RIMS2: variants seen among roughly 807,000 people sequenced by gnomAD.
The protein encoded by RIMS2 is regulating synaptic membrane exocytosis 2, also known as regulating synaptic membrane exocytosis protein 2.
RIMS2 carries 59 observed loss-of-function variants against 174.4 expected under a neutral mutation model. That is an observed-to-expected ratio of 0.34 (90% CI 0.27 to 0.42). The LOEUF is 0.42. Ranked by LOEUF, RIMS2 falls within the 10% of genes least tolerant of loss-of-function variation. RIMS2 has a pLI of 1.00. For synonymous variants in RIMS2, 606 were observed against 572.5 expected (o/e 1.06, Z -0.84); for missense variants, 1,620 against 1,666.3 (o/e 0.97, Z 0.48).
rs533747504 is a variant in RIMS2 at position 103,519,417 on chromosome 8, C to T, written c.176+18355C>T. Among the ~76,000 whole-genome samples, 545 of 152,208 alleles carry T rather than the reference C, an allele frequency of 3.6e-3. 2 individuals are homozygous for T. Among genetic ancestry groups the T allele is most frequent in the Non-Finnish European group, 5.8e-3 (392 of 67,976 alleles). ...TTATATAATCATGCCATAGCTCAAA[C>T]TGTCTCACAATTTACCATATGTTTC... On this transcript the variant is annotated intron_variant, in intron 1 of 23. Coordinates refer to ENST00000504942, the Ensembl canonical transcript of RIMS2.
At chr8:103,900,785 C>T (rs2099323986) in intron 4 of RIMS2, among the ~76,000 whole-genome samples, 1 of 152,096 alleles carries the variant, frequency 6.6e-6, no homozygotes, top group African/African-American at 2.4e-5. Context: ...GTTCTTCCTC[C>T]TGGCAACTCA....
At chr8:104,069,090 T>G (rs2097153304) in intron 19 of RIMS2, among the ~76,000 whole-genome samples, 1 of 152,200 alleles carries the variant, frequency 6.6e-6, no homozygotes, top group African/African-American at 2.4e-5. Context: ...ATATATCAAG[T>G]ACTAATACAA....
At chr8:103,672,626 G>A (rs1262971657) in intron 1 of RIMS2, among the ~76,000 whole-genome samples, 3 of 151,954 alleles carry the variant, frequency 2.0e-5, no homozygotes, top group Admixed American at 2.0e-4. Flanking sequence ...TCACTATAGT[G>A]AAGATAGCAC....
At chr8:103,793,102 T>C (rs560914727) in intron 3 of RIMS2, among the ~76,000 whole-genome samples, 1 of 152,278 alleles carries the variant, frequency 6.6e-6, no homozygotes, top group East Asian at 1.9e-4. Context: ...ATCATTCTGA[T>C]ACCAAAGCCA....
intron 19 of RIMS2, among the ~76,000 whole-genome samples, chr8:104,123,549 T>A (rs2098402906): frequency 6.6e-6 from 1 of 152,012 alleles, no homozygotes; most frequent in South Asian, 2.1e-4. Flanking sequence ...AGACTTTTTT[T>A]AGAAATAGCA....
At chr8:104,030,097 A>G (rs2096356576) in intron 19 of RIMS2, among the ~76,000 whole-genome samples, 1 of 152,120 alleles carries the variant, frequency 6.6e-6, no homozygotes, top group Non-Finnish European at 1.5e-5. Flanking sequence ...ACTTAGCTTG[A>G]TATTATAAAA....
intron 2 of RIMS2, among the ~76,000 whole-genome samples, chr8:103,744,117 C>G (rs1435693743): frequency 6.6e-6 from 1 of 152,202 alleles, no homozygotes; most frequent in Non-Finnish European, 1.5e-5. Context: ...AGGATCTCAG[C>G]TAACTGCAAC....
At chr8:103,554,254 A>G in intron 1 of RIMS2, among the ~76,000 whole-genome samples, 1 of 152,180 alleles carries the variant, frequency 6.6e-6, no homozygotes, top group South Asian at 2.1e-4. Flanking sequence ...TAAATAGACA[A>G]CCTACAGAAT....
At chr8:104,171,119 G>T (rs2135432401) in intron 19 of RIMS2, among the ~76,000 whole-genome samples, 1 of 152,160 alleles carries the variant, frequency 6.6e-6, no homozygotes, top group South Asian at 2.1e-4. Context: ...ATGTGCCTTG[G>T]TGGTGATCTT....
chr8:103,680,327 A>G (rs1301774369), intron 1 of RIMS2, among the ~76,000 whole-genome samples: 4 of 152,064 alleles, frequency 2.6e-5, no homozygotes, highest in Non-Finnish European at 2.9e-5. Context: ...GGATCTCTAT[A>G]TGGAGAAGAT....
At chr8:103,941,653 T>TA (rs773091275) in intron 13 of RIMS2, among the ~76,000 whole-genome samples, 12 of 152,152 alleles carry the variant, frequency 7.9e-5, no homozygotes, top group Non-Finnish European at 1.5e-4. Flanking sequence ...TCTACAGACT[T>TA]ACATTTTGGG....
chr8:103,902,985 T>C (rs1238867393), intron 4 of RIMS2, among the ~76,000 whole-genome samples: 1 of 152,018 alleles, frequency 6.6e-6, no homozygotes, highest in Non-Finnish European at 1.5e-5. Context: ...CTTGACAAGT[T>C]GAAAAGGAGG....
intron 3 of RIMS2, among the ~76,000 whole-genome samples, chr8:103,846,260 A>G (rs368727894): frequency 1.1e-4 from 17 of 152,146 alleles, no homozygotes; most frequent in African/African-American, 3.9e-4. Context: ...AGAAAGAAAA[A>G]GAGGAGTATT....
At chr8:103,992,274 A>AT (rs1186537194) in intron 17 of RIMS2, among the ~76,000 whole-genome samples, 3,822 of 106,950 alleles carry the variant, frequency 0.036, 103 homozygotes, top group African/African-American at 0.07. Flanking sequence ...ATGTCCAGCT[A>AT]TTTTTTTTTT....
At chr8:103,552,200 T>A (rs1308945145) in intron 1 of RIMS2, among the ~76,000 whole-genome samples, 24 of 152,162 alleles carry the variant, frequency 1.6e-4, no homozygotes, top group Non-Finnish European at 2.1e-4. Flanking sequence ...GACTTCAAAC[T>A]ATACTATAAG....
chr8:103,551,913 CA>C (rs1432823514), intron 1 of RIMS2, among the ~76,000 whole-genome samples: 1 of 152,102 alleles, frequency 6.6e-6, no homozygotes, highest in Admixed American at 6.6e-5. Flanking sequence ...AGGACCTCTT[CA>C]AAGAGAACTA....
intron 14 of RIMS2, among the ~76,000 whole-genome samples, chr8:103,958,279 T>C (rs950700422): frequency 2.0e-5 from 3 of 152,124 alleles, no homozygotes; most frequent in African/African-American, 4.8e-5. Flanking sequence ...GTAAGGCCAT[T>C]ATACTTAGCA....
chr8:104,048,100 G>A (rs2154558451), intron 19 of RIMS2, among the ~76,000 whole-genome samples: 1 of 152,252 alleles, frequency 6.6e-6, no homozygotes, highest in African/African-American at 2.4e-5. Flanking sequence ...GAAGAATCCT[G>A]AGTACAATGT....
At chr8:103,613,040 C>A (rs1360302818) in intron 1 of RIMS2, among the ~76,000 whole-genome samples, 1 of 152,162 alleles carries the variant, frequency 6.6e-6, no homozygotes, top group African/African-American at 2.4e-5. Flanking sequence ...ACTTAAGTCC[C>A]TGGTTACCAC....
Sources: gnomAD v4.1 joint callset for allele counts (sites outside exome capture counted in the v4.1 genomes callset) on GRCh38, gnomAD v4.1.1 for gene constraint, MANE v1.5 for transcripts, NCBI Gene and HGNC (gene_info 2026-07-23, HGNC 2026-07-21) for gene names.